PKNOX2: variants seen among roughly 807,000 people sequenced by gnomAD.
PKNOX2 encodes the protein PBX/knotted 1 homeobox 2, also known as homeobox protein PKNOX2.
In PKNOX2, 14 loss-of-function variants were observed where a neutral mutation model predicts 53.1. The ratio of observed to expected loss-of-function variants is 0.26; its 90% CI spans 0.17 to 0.41. PKNOX2 has a LOEUF of 0.41. Among genes scored for constraint, PKNOX2 ranks in the 10% least tolerant of loss-of-function variants. The pLI is 1.00. For missense variants in PKNOX2, 496 were observed against 602.8 expected, an observed-to-expected ratio of 0.82 and a Z score of 1.85; for synonymous variants, 257 against 242.8, an observed-to-expected ratio of 1.06 and a Z score of -0.54.
intron 7 of PKNOX2, among the ~76,000 whole-genome samples, chr11:125,409,299 G>A (rs977036912): frequency 6.6e-6 from 1 of 152,214 alleles, no homozygotes; most frequent in African/African-American, 2.4e-5. Context: ...AACTAGGAAT[G>A]GTGAGGAGAG....
chr11:125,427,613 A>G (rs1010087955), intron 10 of PKNOX2, among the ~76,000 whole-genome samples: 10 of 152,124 alleles, frequency 6.6e-5, no homozygotes, highest in African/African-American at 2.4e-4. Flanking sequence ...TAGTTAGGTG[A>G]CGTGCCTGAG....
chr11:125,315,303 G>GAAAAAAAAAAAAAAAAAAAAAAAAAAA (rs534448203), intron 2 of PKNOX2, among the ~76,000 whole-genome samples: 7 of 79,456 alleles, frequency 8.8e-5, no homozygotes, highest in Admixed American at 1.5e-4. Context: ...TGTGAAGCAG[G>GAAAAAAAAAAAAAAAAAAAAAAAAAAA]AAAAAAAAAA....
intron 2 of PKNOX2, among the ~76,000 whole-genome samples, chr11:125,304,002 A>C (rs1052961880): frequency 1.3e-5 from 2 of 152,236 alleles, no homozygotes; most frequent in Non-Finnish European, 2.9e-5. Flanking sequence ...GCCAACCTCA[A>C]AAGGCTTCTT....
chr11:125,368,059 G>A (rs1952290658), intron 5 of PKNOX2, 74 bp downstream of exon 5: 2 of 1,534,432 alleles, frequency 1.3e-6, no homozygotes, highest in East Asian at 2.5e-5. Flanking sequence ...GGATGAGAAT[G>A]CAGGCCAAAG....
rs189626210 is a variant in PKNOX2, at chr11:125,251,303, C to T, written c.-130+16188C>T. 5.9e-5 allele frequency among the ~76,000 whole-genome samples: 9 copies of T among 152,270 alleles called. 1 individual carries two copies. In the East Asian group the frequency reaches 1.2e-3, roughly 20 times the overall value. On this transcript the variant is annotated intron_variant, in intron 2 of 12. Transcript: ENST00000298282. ...TGCCAGCATTTCCAATTACTCTCCC[C>T]GCTTCCTTGTAATTGTCTTTCTGTA...
chr11:125,392,507 A>G (rs1003434776), intron 6 of PKNOX2, among the ~76,000 whole-genome samples: 1 of 152,234 alleles, frequency 6.6e-6, no homozygotes, highest in East Asian at 1.9e-4. Flanking sequence ...CCATTAGCCC[A>G]TAAAAAAGTA....
chr11:125,315,319 A>C lies in PKNOX2; in HGVS notation c.-129-16500A>C, dbSNP rs1021495193. ...GTGAAGCAGGAAAAAAAAAAAAAAAAAAAAAAAAACACCTCTCTCTGCATT... is the reference window on the plus strand; with the variant it reads ...GTGAAGCAGGAAAAAAAAAAAAAAACAAAAAAAAACACCTCTCTCTGCATT... On this transcript the variant is annotated intron_variant, in intron 2 of 12. Transcript: ENST00000298282. Among the ~76,000 whole-genome samples the C allele has an allele frequency of 1.7e-4, 25 of 151,218 alleles. No individual in the cohort carries two copies. In the East Asian group the frequency reaches 2.7e-3, roughly 16 times the overall value.
chr11:125,325,239 C>T (rs1949762380), intron 2 of PKNOX2, among the ~76,000 whole-genome samples: 1 of 152,308 alleles, frequency 6.6e-6, no homozygotes, highest in East Asian at 1.9e-4. Flanking sequence ...TCCTGCTTAT[C>T]CGTTCTTTCC....
At chr11:125,176,289 A>C (rs1955701178) in intron 1 of PKNOX2, among the ~76,000 whole-genome samples, 1 of 151,774 alleles carries the variant, frequency 6.6e-6, no homozygotes, top group South Asian at 2.1e-4. Context: ...GCAGGCCTTG[A>C]CTCCCTCCTT....
intron 2 of PKNOX2, among the ~76,000 whole-genome samples, chr11:125,276,955 A>G (rs1345164121): frequency 6.6e-6 from 1 of 152,224 alleles, no homozygotes; most frequent in Non-Finnish European, 1.5e-5. Context: ...GGTGGTCAGC[A>G]TGGCAGTAGC....
rs187568806 is a variant in PKNOX2 at position 125,210,447 on chromosome 11, T to C, written c.-200-24598T>C. 1.4e-4 allele frequency among the ~76,000 whole-genome samples: 22 copies of C among 152,296 alleles called. No homozygotes were observed. In the East Asian group the frequency reaches 3.7e-3, roughly 25 times the overall value. On this transcript the variant is annotated intron_variant, in intron 1 of 12. Transcript: ENST00000298282. ...TGAAGCTTCCTGCTCTTCCCTCTGC[T>C]GTGGGCACAAATGTGGATGCAGGTG...
intron 2 of PKNOX2, among the ~76,000 whole-genome samples, chr11:125,271,283 G>C (rs1266004909): frequency 6.6e-6 from 1 of 152,154 alleles, no homozygotes; most frequent in Non-Finnish European, 1.5e-5. Context: ...ATTTTGCTCT[G>C]CTTTTAGAAA....
At chr11:125,220,367 G>A (rs1940997795) in intron 1 of PKNOX2, among the ~76,000 whole-genome samples, 1 of 152,212 alleles carries the variant, frequency 6.6e-6, no homozygotes, top group East Asian at 1.9e-4. Context: ...GCCGAGAGCG[G>A]CTGATTTCCA....
chr11:125,203,531 C>G (rs574749581), intron 1 of PKNOX2, among the ~76,000 whole-genome samples: 1 of 152,330 alleles, frequency 6.6e-6, no homozygotes, highest in South Asian at 2.1e-4. Flanking sequence ...ATGGGCAGAG[C>G]TGTACAGTGT....
At chr11:125,207,119 G>C (rs1939215962) in intron 1 of PKNOX2, among the ~76,000 whole-genome samples, 2 of 151,854 alleles carry the variant, frequency 1.3e-5, no homozygotes, top group Non-Finnish European at 2.9e-5. Flanking sequence ...CTCATTCTAG[G>C]GGGGTGGTGG....
chr11:125,431,621 T>C lies in PKNOX2; in HGVS notation c.*229T>C. 1.8e-6 allele frequency: 1 copy of C among 562,946 alleles called. No homozygotes were observed. Among genetic ancestry groups the C allele is most frequent in the Non-Finnish European group, 3.2e-6 (1 of 317,352 alleles). 34.9% of individuals were successfully genotyped at this position (562,946 alleles called of 1,614,324 possible). On this transcript the variant is annotated 3_prime_UTR_variant, in exon 13 of 13. Transcript: ENST00000298282. ...CCCTGGAACTGCCGAGGACTCTGTTTGGCGGGGCCAGTCGAGCAGCCTGTG... is the reference window on the plus strand; with the variant it reads ...CCCTGGAACTGCCGAGGACTCTGTTCGGCGGGGCCAGTCGAGCAGCCTGTG...
intron 2 of PKNOX2, among the ~76,000 whole-genome samples, chr11:125,269,002 C>T (rs1019231366): frequency 6.6e-6 from 1 of 152,076 alleles, no homozygotes; most frequent in Non-Finnish European, 1.5e-5. Context: ...GTTCTCATGC[C>T]CCTTTTTACC....
chr11:125,361,970 C>T (rs1227880185), intron 4 of PKNOX2, among the ~76,000 whole-genome samples: 2 of 152,210 alleles, frequency 1.3e-5, no homozygotes, highest in South Asian at 2.1e-4. Flanking sequence ...ACCAGCTGTG[C>T]CTTCCCACAT....
At chr11:125,219,279 CA>C (rs112932692) in intron 1 of PKNOX2, among the ~76,000 whole-genome samples, 2 of 150,586 alleles carry the variant, frequency 1.3e-5, no homozygotes, top group South Asian at 4.2e-4. Context: ...ACTAATAATA[CA>C]AAAAAAAATT....
Sources: allele counts gnomAD v4.1 joint callset (sites outside exome capture counted in the v4.1 genomes callset), GRCh38; gene constraint gnomAD v4.1.1; transcripts MANE v1.5; gene names NCBI Gene and HGNC (gene_info 2026-07-23, HGNC 2026-07-21).